LINGO2: variants seen among roughly 807,000 people sequenced by gnomAD.
LINGO2 encodes leucine rich repeat and Ig domain containing 2, also known as leucine-rich repeat and immunoglobulin-like domain-containing nogo receptor-interacting protein 2.
Under a neutral mutation model 30.6 loss-of-function variants are expected in LINGO2, and 14 were observed. That is an observed-to-expected ratio of 0.46 (90% CI 0.30 to 0.72). The LOEUF (loss-of-function observed/expected upper bound fraction) is 0.72, where lower values mean the gene tolerates loss of function less well. Ranked by LOEUF, LINGO2 falls within the 30% of genes least tolerant of loss-of-function variation. The pLI is 0.07. For synonymous variants in LINGO2, 317 were observed against 288.5 expected (o/e 1.10, Z -1.00); for missense variants, 729 against 751.7 (o/e 0.97, Z 0.35).
intron 1 of LINGO2, among the ~76,000 whole-genome samples, chr9:28,517,948 T>C (rs914078462): frequency 1.3e-5 from 2 of 152,172 alleles, no homozygotes; most frequent in Non-Finnish European, 2.9e-5. Flanking sequence ...TTTAAATTTG[T>C]TCGAACATAG....
rs146254758 is a variant in LINGO2, at chr9:28,433,923, T to TTCTCTC, written c.-279+42011_-279+42016dup. On this transcript the variant is annotated intron_variant, in intron 2 of 5. Coordinates refer to ENST00000379992, the Ensembl canonical transcript of LINGO2. ...TGGATAAAGAAAATGTGCTCTCTCT[T>TTCTCTC]TCTCTCTCTCTCTCTCTCTCTCTCT... Among the ~76,000 whole-genome samples, 762 of 109,932 alleles carry TTCTCTC rather than the reference T, an allele frequency of 6.9e-3. 8 individuals are homozygous for TTCTCTC. Among genetic ancestry groups the TTCTCTC allele is most frequent in the Non-Finnish European group, 0.011 (573 of 49,970 alleles). The allele number at this position is 109,932 out of a possible 152,430, so 72.1% of individuals were successfully genotyped here.
the LINGO2 span, among the ~76,000 whole-genome samples, chr9:28,792,933 C>T: frequency 6.6e-6 from 1 of 152,234 alleles, no homozygotes; most frequent in South Asian, 2.1e-4. Flanking sequence ...TTCCACTACT[C>T]ATGTAAATTA....
chr9:28,445,086 C>T (rs1281363126), intron 2 of LINGO2, among the ~76,000 whole-genome samples: 4 of 152,184 alleles, frequency 2.6e-5, no homozygotes, highest in Non-Finnish European at 5.9e-5. Flanking sequence ...ACTGATAATG[C>T]CAGAAGCCAG....
chr9:27,981,424 C>G (rs554527223), intron 5 of LINGO2, among the ~76,000 whole-genome samples: 1 of 149,080 alleles, frequency 6.7e-6, no homozygotes, highest in African/African-American at 2.5e-5. Context: ...CACTAAAGTT[C>G]GTATTATTTC....
intron 2 of LINGO2, among the ~76,000 whole-genome samples, chr9:28,415,430 A>T (rs1013595819): frequency 1.3e-5 from 2 of 152,288 alleles, no homozygotes; most frequent in East Asian, 3.9e-4. Context: ...CATTATATTG[A>T]CAATAAATCC....
chr9:28,437,917 C>T (rs1264130247), intron 2 of LINGO2, among the ~76,000 whole-genome samples: 1 of 152,192 alleles, frequency 6.6e-6, no homozygotes, highest in Non-Finnish European at 1.5e-5. Flanking sequence ...ATAGATCCAA[C>T]TACCTCCTCC....
rs556418789 is a variant in LINGO2 at position 28,245,299 on chromosome 9, C to T, written c.-87+49909G>A. 3.9e-5 allele frequency among the ~76,000 whole-genome samples: 6 copies of T among 152,180 alleles called. No homozygotes were observed. The South Asian group carries it at 1.0e-3, about 26-fold the overall frequency. On this transcript the variant is annotated intron_variant, in intron 4 of 5. Coordinates refer to ENST00000379992, the Ensembl canonical transcript of LINGO2. Reference sequence around the variant, plus strand: ...CTCAATAAACTAGGTATTGATGGAACATATCTCAAAATAATAAGTGCTATT... The same window carrying T: ...CTCAATAAACTAGGTATTGATGGAATATATCTCAAAATAATAAGTGCTATT...
At chr9:28,363,819 G>GT (rs1564151426) in intron 3 of LINGO2, among the ~76,000 whole-genome samples, 1 of 151,848 alleles carries the variant, frequency 6.6e-6, no homozygotes, top group Non-Finnish European at 1.5e-5. Flanking sequence ...TTCTCCTAAC[G>GT]TGTCTGTCTC....
At chr9:28,518,447 A>G (rs145064429) in intron 1 of LINGO2, among the ~76,000 whole-genome samples, 1 of 152,296 alleles carries the variant, frequency 6.6e-6, no homozygotes, top group East Asian at 1.9e-4. Context: ...TCATTTCAAC[A>G]TAGGGGTTAC....
At chr9:28,230,110 G>A (rs930843448) in intron 4 of LINGO2, among the ~76,000 whole-genome samples, 18 of 151,790 alleles carry the variant, frequency 1.2e-4, no homozygotes, top group Non-Finnish European at 2.1e-4. Flanking sequence ...CACATTTATT[G>A]TTCTAAAAAC....
At chr9:28,965,760 G>T in the LINGO2 span, among the ~76,000 whole-genome samples, 2 of 151,904 alleles carry the variant, frequency 1.3e-5, no homozygotes, top group African/African-American at 4.8e-5. Flanking sequence ...CAGACAAAAT[G>T]GTAGTAATGA....
chr9:29,099,139 T>A, the LINGO2 span, among the ~76,000 whole-genome samples: 1 of 152,192 alleles, frequency 6.6e-6, no homozygotes, highest in South Asian at 2.1e-4. Context: ...GAAAAGACAG[T>A]TTCTTCAATC....
rs553410409 is a variant in LINGO2 at position 28,376,847 on chromosome 9, T to C, written c.-278-3979A>G. ...TCTGAAATCCATATCCTTTCCATTATATCTTTCTACCTATCAAAACGAAGA... is the reference window on the plus strand; with the variant it reads ...TCTGAAATCCATATCCTTTCCATTACATCTTTCTACCTATCAAAACGAAGA... On this transcript the variant is annotated intron_variant, in intron 2 of 5. Transcript: ENST00000379992. Among the ~76,000 whole-genome samples, 10 of 152,286 alleles carry C rather than the reference T, an allele frequency of 6.6e-5. 1 individual carries two copies. Among genetic ancestry groups the C allele is most frequent in the African/African-American group, 2.4e-4 (10 of 41,580 alleles).
At chr9:28,958,010 C>A in the LINGO2 span, among the ~76,000 whole-genome samples, 2 of 152,182 alleles carry the variant, frequency 1.3e-5, no homozygotes, top group South Asian at 4.1e-4. Context: ...CAAAGTCACA[C>A]TGCTTTTAAT....
At chr9:29,044,719 A>C in the LINGO2 span, among the ~76,000 whole-genome samples, 1 of 152,080 alleles carries the variant, frequency 6.6e-6, no homozygotes, top group African/African-American at 2.4e-5. Flanking sequence ...ATTAAATAAA[A>C]TAAAATATAG....
intron 2 of LINGO2, among the ~76,000 whole-genome samples, chr9:28,470,039 T>A (rs1227467362): frequency 6.6e-6 from 1 of 152,150 alleles, no homozygotes. Flanking sequence ...CCTTTATGTA[T>A]ATGTATATAT....
At chr9:29,024,825 T>A in the LINGO2 span, among the ~76,000 whole-genome samples, 13 of 152,270 alleles carry the variant, frequency 8.5e-5, no homozygotes, top group South Asian at 6.2e-4. Flanking sequence ...AAATCCACTT[T>A]GACAAAATGT....
At chr9:28,562,456 T>TTAAAAAA (rs1587868240) in intron 1 of LINGO2, among the ~76,000 whole-genome samples, 1 of 7,004 alleles carries the variant, frequency 1.4e-4, no homozygotes, top group East Asian at 4.4e-3. Context: ...GCATTTACTT[T>TTAAAAAA]CAAAAAAAAA....
At chr9:28,862,700 A>G in the LINGO2 span, among the ~76,000 whole-genome samples, 421 of 152,252 alleles carry the variant, frequency 2.8e-3, 2 homozygotes, top group African/African-American at 9.7e-3. Context: ...CACTTAAGAA[A>G]TTAAAGGTCA....
Sources: gnomAD v4.1 joint callset for allele counts (sites outside exome capture counted in the v4.1 genomes callset) on GRCh38, gnomAD v4.1.1 for gene constraint, MANE v1.5 for transcripts, NCBI Gene and HGNC (gene_info 2026-07-23, HGNC 2026-07-21) for gene names.